NUP210L: variants seen among roughly 807,000 people sequenced by gnomAD.
NUP210L encodes the protein nuclear pore membrane glycoprotein 210-like.
NUP210L carries 74 observed loss-of-function variants against 208.5 expected under a neutral mutation model. That is an observed-to-expected ratio of 0.35 (90% CI 0.29 to 0.43). The LOEUF (loss-of-function observed/expected upper bound fraction) is 0.43, where lower values mean the gene tolerates loss of function less well. Among genes scored for constraint, NUP210L ranks in the 20% least tolerant of loss-of-function variants. The pLI is 1.00. For synonymous variants in NUP210L, 780 were observed against 816.9 expected (o/e 0.95, Z 0.77); for missense variants, 1,843 against 2,289.4 (o/e 0.81, Z 3.98).
intron 14 of NUP210L, 100 bp downstream of exon 14, chr1:154,099,898 T>C: frequency 1.7e-6 from 2 of 1,194,742 alleles, no homozygotes; most frequent in East Asian, 2.3e-5. Context: ...ATAAATGTCA[T>C]TGATCCTTAG....
At chr1:154,024,809 G>C (rs987020067) in intron 30 of NUP210L, among the ~76,000 whole-genome samples, 1 of 151,470 alleles carries the variant, frequency 6.6e-6, no homozygotes, top group South Asian at 2.1e-4. Context: ...TGGGCTTACA[G>C]GCGTGAGTCA....
At chr1:154,118,767 T>C in exon 11 of NUP210L, 1 of 1,595,268 alleles carries the variant, frequency 6.3e-7, no homozygotes, top group Non-Finnish European at 8.6e-7. Context: ...TCACTTCTTG[T>C]TGGTGTTTGA....
chr1:154,146,542 G>T (rs1462017938), intron 2 of NUP210L, among the ~76,000 whole-genome samples: 3 of 151,468 alleles, frequency 2.0e-5, no homozygotes, highest in African/African-American at 7.3e-5. Context: ...TGAGGTGGAA[G>T]AATCGCTTGA....
rs937630301 is a variant in NUP210L, at chr1:154,040,355, A to G, written c.3696+5714T>C. On this transcript the variant is annotated intron_variant, in intron 27 of 39. Transcript: ENST00000368559. ...GAAGTTTGAGATCATCCTGGGCAAT[A>G]TAATAAGACCTTGTATCAAAAAAAA... Among the ~76,000 whole-genome samples the G allele has an allele frequency of 4.2e-4, 64 of 151,910 alleles. 1 individual carries two copies. Among genetic ancestry groups the G allele is most frequent in the Admixed American group, 1.2e-3 (18 of 15,232 alleles).
chr1:153,999,534 T>C (rs1650085026), intron 37 of NUP210L, among the ~76,000 whole-genome samples: 1 of 151,996 alleles, frequency 6.6e-6, no homozygotes, highest in Non-Finnish European at 1.5e-5. Flanking sequence ...GGTCAGGAGT[T>C]CCAGACCAGC....
intron 15 of NUP210L, among the ~76,000 whole-genome samples, chr1:154,090,624 G>A (rs757945808): frequency 6.6e-6 from 1 of 151,870 alleles, no homozygotes; most frequent in Non-Finnish European, 1.5e-5. Flanking sequence ...CAGCCTGGCC[G>A]ATATGGTGAA....
intron 2 of NUP210L, among the ~76,000 whole-genome samples, chr1:154,149,223 T>C (rs2148159029): frequency 6.6e-6 from 1 of 152,048 alleles, no homozygotes; most frequent in South Asian, 2.1e-4. Flanking sequence ...GTAGCTGGAA[T>C]TACAGGTGCC....
In NUP210L at chr1:154,082,125, T is replaced by C. The variant is rs896262671; in HGVS notation, c.2361+7296A>G. The stretch of plus-strand genomic sequence containing the variant: ...CTGCGTGTCTGGGACTCTCTGAAGA[T>C]TTTTCTCAAAAGGACACAAAATGAT... On this transcript the variant is annotated intron_variant, in intron 16 of 39. Transcript: ENST00000368559. Among the ~76,000 whole-genome samples, 4 of 152,062 alleles carry C rather than the reference T, an allele frequency of 2.6e-5. No homozygotes were observed. In the East Asian group the frequency reaches 7.7e-4, roughly 29 times the overall value.
At chr1:154,087,210 C>T (rs1655671024) in intron 16 of NUP210L, among the ~76,000 whole-genome samples, 1 of 151,284 alleles carries the variant, frequency 6.6e-6, no homozygotes, top group Admixed American at 6.6e-5. Context: ...ATCCTAGCTA[C>T]TCAGGAGGAT....
At chr1:154,011,679 G>GTTTTTT (rs34653809) in intron 34 of NUP210L, among the ~76,000 whole-genome samples, 4 of 78,420 alleles carry the variant, frequency 5.1e-5, no homozygotes, top group Non-Finnish European at 9.7e-5. Context: ...ATTATCTTAA[G>GTTTTTT]TTTTTTTTTT....
chr1:154,081,820 G>A (rs954668226), intron 16 of NUP210L, among the ~76,000 whole-genome samples: 1 of 151,938 alleles, frequency 6.6e-6, no homozygotes, highest in African/African-American at 2.4e-5. Context: ...TGACTCTACA[G>A]AAAAATTTTA....
intron 16 of NUP210L, chr1:154,078,725 T>C (rs749183737): frequency 3.3e-5 from 5 of 152,160 alleles, no homozygotes; most frequent in Non-Finnish European, 7.3e-5. Flanking sequence ...GCAAAGGTTT[T>C]ATACACTACT....
chr1:154,103,230 C>T (rs890802699), intron 13 of NUP210L, among the ~76,000 whole-genome samples: 1 of 150,678 alleles, frequency 6.6e-6, no homozygotes, highest in Non-Finnish European at 1.5e-5. Flanking sequence ...CCCATATTTA[C>T]TAAAAATACA....
At chr1:154,125,628 A>C (rs1282659369) in intron 10 of NUP210L, among the ~76,000 whole-genome samples, 1 of 592 alleles carries the variant, frequency 1.7e-3, no homozygotes, top group Non-Finnish European at 7.6e-3. Flanking sequence ...TCTGAAAGGA[A>C]GGAAGGAAGG....
intron 29 of NUP210L, among the ~76,000 whole-genome samples, chr1:154,026,232 G>A (rs867978064): frequency 1.3e-5 from 2 of 151,944 alleles, no homozygotes; most frequent in African/African-American, 2.4e-5. Flanking sequence ...GCAAAACTCC[G>A]TTTCAAAAAA....
rs1181426765 is a variant in NUP210L, at chr1:154,027,089, A to C, written c.3947+417T>G. ...CAGAGCGAGACTGTCTCAAAAAAAA[A>C]AAAAAAACAAAAAAAAAAAAACAAA... On this transcript the variant is annotated intron_variant, in intron 29 of 39. Coordinates refer to ENST00000368559, the Ensembl canonical transcript of NUP210L. 2.8e-5 allele frequency among the ~76,000 whole-genome samples: 4 copies of C among 143,316 alleles called. No individual in the cohort carries two copies. In the East Asian group the frequency reaches 9.8e-4, roughly 35 times the overall value. The allele number at this position is 143,316 out of a possible 152,430, so 94.0% of individuals were successfully genotyped here.
At chr1:154,091,071 G>GTTATTATTATTATTATTA (rs111324293) in intron 15 of NUP210L, among the ~76,000 whole-genome samples, 2 of 140,818 alleles carry the variant, frequency 1.4e-5, no homozygotes, top group African/African-American at 2.6e-5. Flanking sequence ...TATTATTGCT[G>GTTATTATTATTATTATTA]TTATTATTAT....
At chr1:154,140,854 C>T (rs1004247147) in intron 4 of NUP210L, among the ~76,000 whole-genome samples, 2 of 151,230 alleles carry the variant, frequency 1.3e-5, no homozygotes, top group Admixed American at 6.6e-5. Context: ...ATTAGCTGGG[C>T]GTGGTGGCGG....
At chr1:154,034,586 C>A (rs1652428016) in intron 27 of NUP210L, among the ~76,000 whole-genome samples, 1 of 152,154 alleles carries the variant, frequency 6.6e-6, no homozygotes, top group Non-Finnish European at 1.5e-5. Flanking sequence ...GCCTTGGCCT[C>A]CCAAAGTGCT....
Sources: allele counts gnomAD v4.1 joint callset (sites outside exome capture counted in the v4.1 genomes callset), GRCh38; gene constraint gnomAD v4.1.1; transcripts MANE v1.5; gene names NCBI Gene and HGNC (gene_info 2026-07-23, HGNC 2026-07-21).